GALNT18: variants seen among roughly 807,000 people sequenced by gnomAD.
GALNT18 encodes the protein GalNAc-transferase 18.
GALNT18 carries 44 observed loss-of-function variants against 69.5 expected under a neutral mutation model. That is an observed-to-expected ratio of 0.63 (90% CI 0.50 to 0.81). The LOEUF (loss-of-function observed/expected upper bound fraction) is 0.81, where lower values mean the gene tolerates loss of function less well. Among genes scored for constraint, GALNT18 ranks in the 40% least tolerant of loss-of-function variants. The pLI is 0.00. For missense variants in GALNT18, 715 were observed against 810.0 expected, an observed-to-expected ratio of 0.88 and a Z score of 1.42; for synonymous variants, 364 against 318.2, an observed-to-expected ratio of 1.14 and a Z score of -1.53.
At chr11:11,451,192 A>G (rs1855788448) in intron 1 of GALNT18, among the ~76,000 whole-genome samples, 1 of 152,214 alleles carries the variant, frequency 6.6e-6, no homozygotes, top group Admixed American at 6.5e-5. Context: ...GCATGCTTGA[A>G]GGGTAGCACA....
chr11:11,416,747 G>T (rs1267674528), intron 3 of GALNT18, among the ~76,000 whole-genome samples: 2 of 152,154 alleles, frequency 1.3e-5, no homozygotes, highest in Non-Finnish European at 2.9e-5. Context: ...ATCCCCCAGG[G>T]TAGCAGGTCA....
Position 11,590,738 on chromosome 11 carries a change from A to C in GALNT18, c.235+30621T>G, listed in dbSNP as rs75498951. On this transcript the variant is annotated intron_variant, in intron 1 of 10. Coordinates refer to ENST00000227756, the MANE Select transcript of GALNT18 (RefSeq NM_198516.3). This position sits in a 1 kb window ranked among gnomAD's most constrained non-coding sequence, Gnocchi z 4.4. ...GTCCCGTAAGATTACAATGGAGCCCAAAAATTCCTATTGCCTAGTAACATC... is the reference window on the plus strand; with the variant it reads ...GTCCCGTAAGATTACAATGGAGCCCCAAAATTCCTATTGCCTAGTAACATC... Among the ~76,000 whole-genome samples, 3,845 of 152,286 alleles carry C rather than the reference A, an allele frequency of 0.025. 75 individuals are homozygous for C. The highest frequency in any genetic ancestry group is 0.055 in the African/African-American group (2,276 of 41,546).
At position 11,531,590 on chromosome 11, in the gene GALNT18, A is replaced by G. The variant is rs539880593; in HGVS notation, c.236-82654T>C. Among the ~76,000 whole-genome samples the G allele has an allele frequency of 3.3e-5, 5 of 152,316 alleles. No individual in the cohort carries two copies. In the East Asian group the frequency reaches 7.7e-4, roughly 24 times the overall value. ...TCCATAGGGGATCACAGGGTAGCAG[A>G]GTGGTCAGGGTATTTCTTCCCCTCC... On this transcript the variant is annotated intron_variant, in intron 1 of 10. Transcript: ENST00000227756.
In GALNT18 at chr11:11,587,247, T is replaced by C. The variant is rs1859249507; in HGVS notation, c.235+34112A>G. On this transcript the variant is annotated intron_variant, in intron 1 of 10. Coordinates refer to ENST00000227756, the MANE Select transcript of GALNT18 (RefSeq NM_198516.3). This position sits in a 1 kb window ranked among gnomAD's most constrained non-coding sequence, Gnocchi z 4.4. Reference sequence around the variant, plus strand: ...TATATATTTGAATATCAACCTTCACTGGCTCACTTTCTCAGAAATGAGGAA... The same window carrying C: ...TATATATTTGAATATCAACCTTCACCGGCTCACTTTCTCAGAAATGAGGAA... Among the ~76,000 whole-genome samples, 1 of 152,216 alleles carries C rather than the reference T, an allele frequency of 6.6e-6. No individual in the cohort carries two copies. The highest frequency in any genetic ancestry group is 2.4e-5 in the African/African-American group (1 of 41,456).
In GALNT18 at chr11:11,475,010, C is replaced by G. The variant is rs76029923; in HGVS notation, c.236-26074G>C. 7.8e-3 allele frequency among the ~76,000 whole-genome samples: 1,187 copies of G among 152,228 alleles called. 19 individuals are homozygous for G. The highest frequency in any genetic ancestry group is 0.027 in the African/African-American group (1,140 of 41,508). ...TGAGTCTGACAGCCTCCTGACACACCCAGGCCTCCTGCCTAGCACAGGGTA... is the reference window on the plus strand; with the variant it reads ...TGAGTCTGACAGCCTCCTGACACACGCAGGCCTCCTGCCTAGCACAGGGTA... On this transcript the variant is annotated intron_variant, in intron 1 of 10. Coordinates refer to ENST00000227756, the MANE Select transcript of GALNT18 (RefSeq NM_198516.3).
At chr11:11,284,321 A>G (rs577808666) in intron 10 of GALNT18, among the ~76,000 whole-genome samples, 74 of 152,298 alleles carry the variant, frequency 4.9e-4, no homozygotes, top group African/African-American at 1.7e-3. Context: ...TGTAAGAGTT[A>G]GAGTCACCTG....
chr11:11,272,172 C>CCTACT, intron 10 of GALNT18, among the ~76,000 whole-genome samples: 1 of 152,280 alleles, frequency 6.6e-6, no homozygotes, highest in South Asian at 2.1e-4. Context: ...TCCCCCAGAA[C>CCTACT]CTACTCCTGT....
chr11:11,276,492 CCTCT>C (rs575681734), intron 10 of GALNT18, among the ~76,000 whole-genome samples: 2 of 152,134 alleles, frequency 1.3e-5, no homozygotes, highest in South Asian at 4.1e-4. Context: ...AATTTGACTT[CCTCT>C]CTCTCTTCCT....
chr11:11,532,809 A>C (rs1249448479), intron 1 of GALNT18, among the ~76,000 whole-genome samples: 1 of 152,196 alleles, frequency 6.6e-6, no homozygotes. Context: ...CCTCAGAAAG[A>C]CTGAGCTCAT....
intron 1 of GALNT18, among the ~76,000 whole-genome samples, chr11:11,610,413 G>A (rs185761070): frequency 2.0e-5 from 3 of 152,286 alleles, no homozygotes; most frequent in East Asian, 1.9e-4. Context: ...CTGCTTATGC[G>A]GTTAAGGTGA....
At chr11:11,379,311 G>A in intron 3 of GALNT18, 47 bp from the exon 4 acceptor site, 1 of 1,542,394 alleles carries the variant, frequency 6.5e-7, no homozygotes, top group Non-Finnish European at 8.8e-7. Flanking sequence ...AGGTCAGGAG[G>A]CAGAGGGGGC....
chr11:11,390,811 A>G (rs1854170279), intron 3 of GALNT18, among the ~76,000 whole-genome samples: 1 of 152,166 alleles, frequency 6.6e-6, no homozygotes, highest in Non-Finnish European at 1.5e-5. Context: ...TATGTCAAGT[A>G]GAACAGTAGG....
intron 3 of GALNT18, among the ~76,000 whole-genome samples, chr11:11,429,866 T>C (rs1417114380): frequency 6.6e-6 from 1 of 152,164 alleles, no homozygotes; most frequent in East Asian, 1.9e-4. Context: ...AAGACCAGTC[T>C]CAGTGGCTCA....
intron 9 of GALNT18, among the ~76,000 whole-genome samples, chr11:11,299,450 G>A (rs751158575): frequency 1.3e-5 from 2 of 152,100 alleles, no homozygotes; most frequent in African/African-American, 2.4e-5. Context: ...TGGCCCCATT[G>A]TGTATCTTTT....
At chr11:11,443,621 G>A (rs1307743780) in intron 2 of GALNT18, among the ~76,000 whole-genome samples, 1 of 151,964 alleles carries the variant, frequency 6.6e-6, no homozygotes, top group Admixed American at 6.6e-5. Context: ...GGGCCATGGG[G>A]GATGGAGCCG....
At chr11:11,509,371 A>G (rs1469633960) in intron 1 of GALNT18, among the ~76,000 whole-genome samples, 1 of 152,196 alleles carries the variant, frequency 6.6e-6, no homozygotes, top group Non-Finnish European at 1.5e-5. Flanking sequence ...AATTGTTTTT[A>G]TATATTCATA....
chr11:11,296,453 T>A (rs141696262), intron 9 of GALNT18, among the ~76,000 whole-genome samples: 1 of 152,228 alleles, frequency 6.6e-6, no homozygotes, highest in African/African-American at 2.4e-5. Flanking sequence ...GCTCTTAATC[T>A]CCCTGCATGC....
chr11:11,372,670 C>T lies in GALNT18; in HGVS notation c.978-41G>A, dbSNP rs746698432. 1.3e-6 allele frequency: 2 copies of T among 1,520,424 alleles called. No homozygotes were observed. The highest frequency in any genetic ancestry group is 2.3e-5 in the East Asian group (1 of 44,254). 94.2% of individuals were successfully genotyped at this position (1,520,424 alleles called of 1,614,324 possible). A position where few individuals can be genotyped will look rare whatever the true frequency, so the allele number is the denominator to read the frequency against. On this transcript the variant is annotated intron_variant, in intron 5 of 10. Transcript: ENST00000227756. This position sits in a 1 kb window ranked among gnomAD's most constrained non-coding sequence, Gnocchi z 4.9. ...AGAGCAGAAGGGCTGTCTGGTGCAG[C>T]TGTCCGAGGAGTAAGAGCAGTAAGG...
chr11:11,357,000 A>T lies in GALNT18; in HGVS notation c.1092+15515T>A, dbSNP rs543118271. ...GGTGTGCTAGGGGATAACACGCAAT[A>T]GCCACGGAGCTTCCTGCTCCATGTT... On this transcript the variant is annotated intron_variant, in intron 6 of 10. Coordinates refer to ENST00000227756, the MANE Select transcript of GALNT18 (RefSeq NM_198516.3). The surrounding 1 kb of genome is among the most constrained non-coding windows in gnomAD (Gnocchi z 4.4). 6.6e-6 allele frequency among the ~76,000 whole-genome samples: 1 copy of T among 152,310 alleles called. No individual in the cohort carries two copies. Among genetic ancestry groups the T allele is most frequent in the South Asian group, 2.1e-4 (1 of 4,810 alleles).
Sources: allele counts gnomAD v4.1 joint callset (sites outside exome capture counted in the v4.1 genomes callset), GRCh38; gene constraint gnomAD v4.1.1; non-coding constraint Gnocchi (gnomAD v3.1); transcripts MANE v1.5; gene names NCBI Gene and HGNC (gene_info 2026-07-23, HGNC 2026-07-21).